CSMD3: variants seen among roughly 807,000 people sequenced by gnomAD.
CSMD3 encodes the protein CUB and sushi domain-containing protein 3.
A neutral mutation model predicts 435.2 loss-of-function variants in CSMD3; 177 were observed. That is an observed-to-expected ratio of 0.41 (90% confidence interval 0.36 to 0.46). The LOEUF (loss-of-function observed/expected upper bound fraction) is 0.46. CSMD3 is among the 20% of genes least tolerant of loss of function. The pLI, the probability that CSMD3 is intolerant of heterozygous loss-of-function variation, is 0.34. For synonymous variants in CSMD3, 1,656 were observed against 1,520.5 expected, an observed-to-expected ratio of 1.09 and a Z score of -2.07; for missense variants, 4,265 against 4,504.6, an observed-to-expected ratio of 0.95 and a Z score of 1.52.
intron 3 of CSMD3, among the ~76,000 whole-genome samples, chr8:113,229,006 C>T (rs1245488476): frequency 6.6e-6 from 1 of 151,660 alleles, no homozygotes; most frequent in Admixed American, 6.6e-5. Flanking sequence ...CATACCTATT[C>T]TCATCATACA....
In CSMD3 at chr8:112,667,520, C is replaced by T. The variant is rs375012665; in HGVS notation, c.2678-1105G>A. On this transcript the variant is annotated intron_variant, in intron 16 of 70. Coordinates refer to ENST00000297405, the MANE Select transcript of CSMD3 (RefSeq NM_198123.2). ...TGCATTTACACTATTCTCCATGCTA[C>T]GGATACAGTGATTTTTTTTTCTTTT... Among the ~76,000 whole-genome samples, 51 of 152,174 alleles carry T rather than the reference C, an allele frequency of 3.4e-4. 1 individual carries two copies. In the South Asian group the frequency reaches 5.4e-3, roughly 16 times the overall value.
At chr8:112,746,889 A>G (rs1476203830) in intron 13 of CSMD3, among the ~76,000 whole-genome samples, 1 of 152,118 alleles carries the variant, frequency 6.6e-6, no homozygotes, top group Non-Finnish European at 1.5e-5. Flanking sequence ...TCATGTTGTC[A>G]TTAACAAGTC....
At chr8:113,375,847 T>C (rs2094378963) in intron 1 of CSMD3, among the ~76,000 whole-genome samples, 1 of 152,204 alleles carries the variant, frequency 6.6e-6, no homozygotes, top group Non-Finnish European at 1.5e-5. Flanking sequence ...ACTAGAATAA[T>C]GGTTTTTATA....
Position 112,953,988 on chromosome 8 carries a change from C to CAGCAACTGCTAT in CSMD3, c.1420+695_1420+696insATAGCAGTTGCT, listed in dbSNP as rs574886005. On this transcript the variant is annotated intron_variant, in intron 8 of 70. Transcript: ENST00000297405. ...ATGCAACAGTATTGTTGACAATTTC[C>CAGCAACTGCTAT]TAATTTTGACTACAAAAATACATAG... Among the ~76,000 whole-genome samples, 1,007 of 151,352 alleles carry CAGCAACTGCTAT rather than the reference C, an allele frequency of 6.7e-3. 9 individuals are homozygous for CAGCAACTGCTAT. The highest frequency in any genetic ancestry group is 0.023 in the African/African-American group (965 of 41,438).
intron 12 of CSMD3, among the ~76,000 whole-genome samples, chr8:112,815,662 T>C (rs2079354170): frequency 1.3e-5 from 2 of 152,142 alleles, no homozygotes; most frequent in Admixed American, 1.3e-4. Context: ...AAAATTACTT[T>C]AGTTCATTTT....
At chr8:112,629,408 G>C (rs956104910) in intron 22 of CSMD3, among the ~76,000 whole-genome samples, 1 of 151,952 alleles carries the variant, frequency 6.6e-6, no homozygotes, top group Admixed American at 6.6e-5. Context: ...TGCTCAGGCT[G>C]TTCTTACTGT....
At chr8:112,417,217 T>C (rs1217085398) in intron 32 of CSMD3, among the ~76,000 whole-genome samples, 1 of 152,170 alleles carries the variant, frequency 6.6e-6, no homozygotes, top group Non-Finnish European at 1.5e-5. Context: ...TATTAAGGTA[T>C]TTCATAAAAT....
intron 3 of CSMD3, among the ~76,000 whole-genome samples, chr8:113,229,023 T>A: frequency 6.6e-6 from 1 of 151,692 alleles, no homozygotes; most frequent in East Asian, 1.9e-4. Context: ...TACATGGTTC[T>A]ATCTGCATTA....
intron 4 of CSMD3, among the ~76,000 whole-genome samples, chr8:113,131,497 C>T (rs1415481317): frequency 3.9e-5 from 6 of 152,034 alleles, no homozygotes; most frequent in Admixed American, 6.6e-5. Flanking sequence ...TGGTACTGGG[C>T]CTGCAGGTGT....
At chr8:113,293,829 T>C (rs2093701889) in intron 2 of CSMD3, among the ~76,000 whole-genome samples, 1 of 152,044 alleles carries the variant, frequency 6.6e-6, no homozygotes, top group South Asian at 2.1e-4. Flanking sequence ...TCACCAAAGA[T>C]GTAGGAAGAA....
chr8:113,183,679 A>G (rs531208030), intron 3 of CSMD3, among the ~76,000 whole-genome samples: 2 of 151,984 alleles, frequency 1.3e-5, no homozygotes, highest in African/African-American at 2.4e-5. Context: ...AAAATGGCCA[A>G]TTTATGCCTG....
intron 22 of CSMD3, among the ~76,000 whole-genome samples, chr8:112,591,354 G>T (rs980111508): frequency 3.3e-5 from 5 of 152,062 alleles, no homozygotes; most frequent in Admixed American, 1.3e-4. Flanking sequence ...ATACAGTGAA[G>T]AATTCACTAG....
intron 69 of CSMD3, among the ~76,000 whole-genome samples, chr8:112,230,693 T>C (rs944478994): frequency 2.0e-5 from 3 of 151,976 alleles, no homozygotes; most frequent in Non-Finnish European, 2.9e-5. Flanking sequence ...TGGTCTGTAA[T>C]CCCAGCTACT....
intron 35 of CSMD3, among the ~76,000 whole-genome samples, chr8:112,396,689 G>A (rs940027685): frequency 6.6e-6 from 1 of 152,160 alleles, no homozygotes; most frequent in Non-Finnish European, 1.5e-5. Flanking sequence ...CACCTGTTGT[G>A]TGCCAAGTCC....
chr8:113,106,330 A>C (rs1027382843), intron 4 of CSMD3, among the ~76,000 whole-genome samples: 4 of 152,168 alleles, frequency 2.6e-5, no homozygotes, highest in Admixed American at 6.5e-5. Flanking sequence ...AGAAATTAAA[A>C]AAAAAATACT....
intron 22 of CSMD3, among the ~76,000 whole-genome samples, chr8:112,602,768 TA>T (rs1237841469): frequency 4.0e-5 from 6 of 151,874 alleles, no homozygotes; most frequent in African/African-American, 1.4e-4. Context: ...AAGAAAATAA[TA>T]AAAAATATAT....
In CSMD3 at chr8:113,278,608, A is replaced by T. The variant is rs2132458592; in HGVS notation, c.498T>A (p.Phe166Leu). 6.4e-7 allele frequency: 1 copy of T among 1,552,638 alleles called. No homozygotes were observed. Among genetic ancestry groups the T allele is most frequent in the Non-Finnish European group, 8.9e-7 (1 of 1,124,482 alleles). ...TSDFAVSAHG[F>L]KVYYEELQSS... ...ATCACTTACCTTCGTAATATACCTT[A>T]AATCCATGAGCACTAACTGCAAAAT... is the stretch of plus-strand genomic sequence containing the variant. Residue 166 changes from phenylalanine to leucine, a missense_variant, in exon 3 of 71, where the codon TTT becomes TTA. By Grantham distance (22) the Phe-to-Leu change is conservative. This residue lies in a region of CSMD3 where 731 missense variants were observed against 755.4 expected (regional missense o/e 0.97). Transcript: ENST00000297405.
At chr8:113,178,505 A>G (rs1252373968) in intron 3 of CSMD3, among the ~76,000 whole-genome samples, 1 of 151,934 alleles carries the variant, frequency 6.6e-6, no homozygotes, top group Non-Finnish European at 1.5e-5. Flanking sequence ...GTAATAAATG[A>G]GTAATTTACA....
chr8:112,273,795 T>C (rs1817756711), intron 59 of CSMD3, among the ~76,000 whole-genome samples: 1 of 151,886 alleles, frequency 6.6e-6, no homozygotes, highest in Non-Finnish European at 1.5e-5. Context: ...AAAATTTGTC[T>C]ATTGAAGTCT....
Sources: gnomAD v4.1 joint callset for allele counts (sites outside exome capture counted in the v4.1 genomes callset) on GRCh38, gnomAD v4.1.1 for gene constraint, gnomAD v4.1.1 regional missense constraint, MANE v1.5 for transcripts, NCBI Gene and HGNC (gene_info 2026-07-23, HGNC 2026-07-21) for gene names.